Variants in ZNF649 observed in about 807,000 individuals in gnomAD.
ZNF649 encodes zinc finger protein 649.
ZNF649 carries 7 observed loss-of-function variants against 14.1 expected under a neutral mutation model. The observed-to-expected ratio is 0.49, with a 90% confidence interval of 0.28 to 0.93. ZNF649 has a LOEUF of 0.93. Ranked by LOEUF, ZNF649 falls within the 40% of genes least tolerant of loss-of-function variation. The pLI is 0.10. For synonymous variants in ZNF649, 227 were observed against 212.3 expected (o/e 1.07, Z -0.60); for missense variants, 544 against 608.1 (o/e 0.89, Z 1.11).
chr19:51,890,252 T>C lies in ZNF649; in HGVS notation c.*366A>G, dbSNP rs563665441. ...ATAAAAAGCATGAACATCATTTTCA[T>C]GTACATATGTGTATACACAAAAAGA... On this transcript the variant is annotated 3_prime_UTR_variant, in exon 5 of 5. Transcript: ENST00000354957. 49 of 174,120 alleles carry C rather than the reference T, an allele frequency of 2.8e-4. 1 individual carries two copies. The highest frequency in any genetic ancestry group is 2.8e-3 in the Admixed American group (49 of 17,728). The allele number at this position is 174,120 out of a possible 1,614,324, so 10.8% of individuals were successfully genotyped here. A position where few individuals can be genotyped will look rare whatever the true frequency, so the allele number is the denominator to read the frequency against.
At position 51,891,429 on chromosome 19, in the gene ZNF649, C is replaced by T. The variant is rs1250929872; in HGVS notation, c.707G>A (p.Cys236Tyr). The T allele has an allele frequency of 6.2e-7, 1 of 1,613,936 alleles. No homozygotes were observed. The highest frequency in any genetic ancestry group is 8.5e-7 in the Non-Finnish European group (1 of 1,179,780). ...RAHRGEKPHG[C>Y]SLCGKAFYKR... Reference sequence around the variant, plus strand: ...GTAGAAGGCTTTCCCACACAAGCTACACCCGTGGGGTTTCTCTCCTCTGTG... The same window carrying T: ...GTAGAAGGCTTTCCCACACAAGCTATACCCGTGGGGTTTCTCTCCTCTGTG... Residue 236 changes from cysteine (C) to tyrosine (Y), a missense_variant, in exon 5 of 5, where the codon TGT (cysteine) becomes TAT (tyrosine). Transcript: ENST00000354957. This position sits in a 1 kb window ranked among gnomAD's most constrained non-coding sequence, Gnocchi z 4.2.
At chr19:51,895,633 T>A (rs990467919) in intron 4 of ZNF649, among the ~76,000 whole-genome samples, 1 of 152,112 alleles carries the variant, frequency 6.6e-6, no homozygotes, top group Non-Finnish European at 1.5e-5. Context: ...TGAGCCACCA[T>A]GCCCGGCCTC....
chr19:51,893,995 C>T (rs1001479151), intron 4 of ZNF649, among the ~76,000 whole-genome samples: 2 of 152,292 alleles, frequency 1.3e-5, no homozygotes, highest in African/African-American at 4.8e-5. Context: ...ATTACTGGCA[C>T]AGAAAATTCA....
At chr19:51,902,137 C>A (rs1228340270) in intron 1 of ZNF649, among the ~76,000 whole-genome samples, 1 of 152,156 alleles carries the variant, frequency 6.6e-6, no homozygotes, top group East Asian at 1.9e-4. Flanking sequence ...TCACCAGACA[C>A]CAAACCTGCT....
chr19:51,898,297 A>AC (rs60513264), intron 2 of ZNF649, among the ~76,000 whole-genome samples: 5,850 of 151,972 alleles, frequency 0.038, 313 homozygotes, highest in African/African-American at 0.12. Context: ...ATCATGTGCC[A>AC]CTCTGGGGTC....
chr19:51,890,662 T>C lies in ZNF649; in HGVS notation c.1474A>G (p.Met492Val), dbSNP rs1169381356. The part of the protein sequence containing the change: ...KSPVNMVTVA[M>V]VAGQCEFAHI... ...GCAAACTCACACTGCCCTGCCACCATTGCCACAGTTACCATATTAACAGGG... is the reference window on the plus strand; with the variant it reads ...GCAAACTCACACTGCCCTGCCACCACTGCCACAGTTACCATATTAACAGGG... Residue 492 changes from methionine to valine, a missense_variant, in exon 5 of 5, where the codon ATG (methionine) becomes GTG (valine). Coordinates refer to ENST00000354957, the MANE Select transcript of ZNF649 (RefSeq NM_023074.4). 2 of 1,614,102 alleles carry C rather than the reference T, an allele frequency of 1.2e-6. No homozygotes were observed. The highest frequency in any genetic ancestry group is 1.1e-5 in the South Asian group (1 of 91,080).
intron 1 of ZNF649, among the ~76,000 whole-genome samples, chr19:51,901,890 G>GCA (rs891624681): frequency 3.4e-5 from 5 of 147,794 alleles, no homozygotes; most frequent in Non-Finnish European, 5.9e-5. Flanking sequence ...GGTTGAGACT[G>GCA]CAGTGAGTTA....
chr19:51,901,002 A>G (rs1352426269), intron 1 of ZNF649, among the ~76,000 whole-genome samples: 1 of 152,246 alleles, frequency 6.6e-6, no homozygotes, highest in African/African-American at 2.4e-5. Flanking sequence ...GGTAAAAGGT[A>G]CATGTGGCAA....
chr19:51,896,699 G>A (rs748540441), intron 3 of ZNF649, 132 bp from the exon 4 acceptor site: 46 of 1,561,614 alleles, frequency 2.9e-5, no homozygotes, highest in Middle Eastern at 1.7e-4. Flanking sequence ...TTTCTAAGAC[G>A]AAGGAAGATT....
At position 51,896,890 on chromosome 19, in the gene ZNF649, T is replaced by G; in HGVS notation, c.104A>C (p.Asp35Ala). The G allele has an allele frequency of 6.2e-7, 1 of 1,614,056 alleles. No homozygotes were observed. The highest frequency in any genetic ancestry group is 8.5e-7 in the Non-Finnish European group (1 of 1,180,016). ...GTTGCTGTAGTTCTCCAACATCACATCCCGGTACAGGTCCTTCTGAGCAGG... is the reference window on the plus strand; with the variant it reads ...GTTGCTGTAGTTCTCCAACATCACAGCCCGGTACAGGTCCTTCTGAGCAGG... ...LSPAQKDLYR[D>A]VMLENYSNLV... Residue 35 changes from aspartate to alanine, a missense_variant, in exon 3 of 5, where the codon GAT becomes GCT. Coordinates refer to ENST00000354957, the MANE Select transcript of ZNF649 (RefSeq NM_023074.4).
chr19:51,900,138 T>C lies in ZNF649; in HGVS notation c.-31A>G. 1 of 1,486,460 alleles carries C rather than the reference T, an allele frequency of 6.7e-7. No individual in the cohort carries two copies. Among genetic ancestry groups the C allele is most frequent in the Non-Finnish European group, 9.0e-7 (1 of 1,116,090 alleles). The allele number at this position is 1,486,460 out of a possible 1,614,324, so 92.1% of individuals were successfully genotyped here. ...TCTGTTTCAGGAAATACCCAAGAAC[T>C]GGGATGCTTCGTCTTTGGTTTCTTC... On this transcript the variant is annotated 5_prime_UTR_variant, in exon 2 of 5. Coordinates refer to ENST00000354957, the MANE Select transcript of ZNF649 (RefSeq NM_023074.4).
rs199637703 is a variant in ZNF649 at position 51,891,137 on chromosome 19, G to C, written c.999C>G (p.Leu333=). The change falls in exon 5 of 5, where the codon CTC becomes CTG. Residue 333 remains leucine (L), a synonymous_variant. Transcript: ENST00000354957. The surrounding 1 kb of genome is among the most constrained non-coding windows in gnomAD (Gnocchi z 4.2). Reference sequence around the variant, plus strand: ...CAGTGTGAGTTCGTTGATGTATGTTGAGATTGCCCTTCTGAATGAAGCCTT... The same window carrying C: ...CAGTGTGAGTTCGTTGATGTATGTTCAGATTGCCCTTCTGAATGAAGCCTT... ...CGKGFIQKGN[L]NIHQRTHTGE... is the part of the protein sequence containing the mutation. 1 of 1,614,036 alleles carries C rather than the reference G, an allele frequency of 6.2e-7. No individual in the cohort carries two copies. Among genetic ancestry groups the C allele is most frequent in the Non-Finnish European group, 8.5e-7 (1 of 1,180,020 alleles).
rs1945097787 is a variant in ZNF649 at position 51,890,587 on chromosome 19, G to A, written c.*31C>T. 1.4e-6 allele frequency: 2 copies of A among 1,453,540 alleles called. No individual in the cohort carries two copies. Among genetic ancestry groups the A allele is most frequent in the Non-Finnish European group, 9.5e-7 (1 of 1,047,400 alleles). The allele number at this position is 1,453,540 out of a possible 1,614,324, so 90.0% of individuals were successfully genotyped here. On this transcript the variant is annotated 3_prime_UTR_variant, in exon 5 of 5. Transcript: ENST00000354957. ...ACATGACAAACTCAGCATTCCGCTGGAGGCTATATGATCAAACAGCAAACT... is the reference window on the plus strand; with the variant it reads ...ACATGACAAACTCAGCATTCCGCTGAAGGCTATATGATCAAACAGCAAACT...
At chr19:51,892,971 C>T (rs75308450) in intron 4 of ZNF649, among the ~76,000 whole-genome samples, 1,831 of 152,212 alleles carry the variant, frequency 0.012, 31 homozygotes, top group African/African-American at 0.042. Flanking sequence ...AAACACTGGC[C>T]TTGGGACAAG....
chr19:51,896,575 T>C lies in ZNF649; in HGVS notation c.143-8A>G. 1.2e-6 allele frequency: 2 copies of C among 1,613,898 alleles called. No individual in the cohort carries two copies. The highest frequency in any genetic ancestry group is 2.2e-5 in the East Asian group (1 of 44,878). On this transcript the variant is annotated splice_region_variant and splice_polypyrimidine_tract_variant and intron_variant, in intron 3 of 4. Transcript: ENST00000354957. ...GTTTGCCGGCTTGATACCCTGTTTG[T>C]GGGAAATGGGAGAAGACTTAGGCTC...
chr19:51,891,503 A>T lies in ZNF649; in HGVS notation c.633T>A (p.Cys211Ter), dbSNP rs2085022420. 1 of 1,614,086 alleles carries T rather than the reference A, an allele frequency of 6.2e-7. No individual in the cohort carries two copies. The highest frequency in any genetic ancestry group is 1.7e-5 in the Admixed American group (1 of 60,010). ...TGTACTTCTTGTAGAAGGCTTTCCC[A>T]CACAAGCTACACACGTGGGGTTTCT... ...TGKKPHVCSL[C>*]GKAFYKKYRL... The change falls in exon 5 of 5, where the codon TGT (cysteine) becomes TGA (stop). Residue 211 changes from cysteine to a stop codon, truncating the protein, a stop_gained. Coordinates refer to ENST00000354957, the MANE Select transcript of ZNF649 (RefSeq NM_023074.4). LOFTEE classifies it low-confidence loss of function (END_TRUNC). This position sits in a 1 kb window ranked among gnomAD's most constrained non-coding sequence, Gnocchi z 4.2.
At chr19:51,896,654 T>G (rs528107990) in intron 3 of ZNF649, 87 bp from the exon 4 acceptor site, 12 of 1,524,748 alleles carry the variant, frequency 7.9e-6, no homozygotes, top group Admixed American at 5.1e-5. Context: ...TGTTAGGGAC[T>G]GCATAATTTG....
chr19:51,896,038 G>C lies in ZNF649; in HGVS notation c.238+434C>G, dbSNP rs901335190. On this transcript the variant is annotated intron_variant, in intron 4 of 4. Transcript: ENST00000354957. ...GCTGATTTGAAACAGACGATACCCA[G>C]CTGATGTCTGCTGGAGAATTGCCTG... is the stretch of plus-strand genomic sequence containing the variant. The C allele has an allele frequency of 3.0e-4, 53 of 174,370 alleles. 1 individual carries two copies. The highest frequency in any genetic ancestry group is 3.8e-4 in the Non-Finnish European group (31 of 80,570). The allele number at this position is 174,370 out of a possible 1,614,324, so 10.8% of individuals were successfully genotyped here. A position where few individuals can be genotyped will look rare whatever the true frequency, so the allele number is the denominator to read the frequency against.
rs759327827 is a variant in ZNF649 at position 51,891,939 on chromosome 19, G to A, written c.239-42C>T. On this transcript the variant is annotated intron_variant, in intron 4 of 4. Transcript: ENST00000354957. The surrounding 1 kb of genome is among the most constrained non-coding windows in gnomAD (Gnocchi z 4.2). The stretch of plus-strand genomic sequence containing the variant: ...TAAATCCTTCCATGATCATCACACG[G>A]AATAAAACTGCTTCAAAGATGCCTT... The A allele has an allele frequency of 6.6e-7, 1 of 1,506,886 alleles. No homozygotes were observed. The highest frequency in any genetic ancestry group is 2.3e-5 in the East Asian group (1 of 43,228). 93.3% of individuals were successfully genotyped at this position (1,506,886 alleles called of 1,614,324 possible). A position where few individuals can be genotyped will look rare whatever the true frequency, so the allele number is the denominator to read the frequency against.
Sources: allele counts gnomAD v4.1 joint callset (sites outside exome capture counted in the v4.1 genomes callset), GRCh38; gene constraint gnomAD v4.1.1; non-coding constraint Gnocchi (gnomAD v3.1); transcripts MANE v1.5; gene names NCBI Gene and HGNC (gene_info 2026-07-23, HGNC 2026-07-21).